The following NUP85 variants were observed in gnomAD, a reference collection of about 807,000 sequenced individuals.
NUP85 encodes the protein nuclear pore complex protein Nup85.
NUP85 carries 23 observed loss-of-function variants against 92.8 expected under a neutral mutation model. That is an observed-to-expected ratio of 0.25 (90% CI 0.18 to 0.35). NUP85 has a LOEUF of 0.35. NUP85 is among the 10% of genes least tolerant of loss of function. NUP85 has a pLI of 1.00. For synonymous variants in NUP85, 314 were observed against 306.9 expected (o/e 1.02, Z -0.24); for missense variants, 759 against 822.8 (o/e 0.92, Z 0.95).
At chr17:75,214,435 A>C (rs749060467) in intron 5 of NUP85, among the ~76,000 whole-genome samples, 3 of 152,196 alleles carry the variant, frequency 2.0e-5, no homozygotes, top group Non-Finnish European at 4.4e-5. Context: ...CTGTTCCCCT[A>C]AACTTCAGTC....
chr17:75,226,148 A>G lies in NUP85; in HGVS notation c.1085A>G (p.Lys362Arg). 6.2e-7 allele frequency: 1 copy of G among 1,613,874 alleles called. No individual in the cohort carries two copies. The highest frequency in any genetic ancestry group is 8.5e-7 in the Non-Finnish European group (1 of 1,179,864). ...GAGTTTGACATCCATCAAGTAATCA[A>G]AGAGTGCAGGTAGGATCTCTCCCAC... ...AFEFDIHQVIKECSIALSNWW... is the reference protein window; with the variant it reads ...AFEFDIHQVIRECSIALSNWW... The change falls in exon 11 of 19, where the codon AAA (lysine) becomes AGA (arginine). Residue 362 changes from lysine (K) to arginine (R), a missense_variant. Lys to Arg is a conservative substitution (Grantham distance 26, BLOSUM62 2). Transcript: ENST00000245544.
At position 75,220,003 on chromosome 17, in the gene NUP85, CT is replaced by C. The variant is rs1401299565; in HGVS notation, c.597+1698del. ...ACCAGGCCAGGTCTGAGACAGCCCCCTGGGCTGTCACTGAGACTTTAGCTTT... is the reference window on the plus strand; with the variant it reads ...ACCAGGCCAGGTCTGAGACAGCCCCCGGGCTGTCACTGAGACTTTAGCTTT... On this transcript the variant is annotated intron_variant, in intron 7 of 18. Coordinates refer to ENST00000245544, the MANE Select transcript of NUP85 (RefSeq NM_024844.5). Among the ~76,000 whole-genome samples, 14 of 152,212 alleles carry C rather than the reference CT, an allele frequency of 9.2e-5. No homozygotes were observed. In the East Asian group the frequency reaches 2.5e-3, roughly 27 times the overall value.
At chr17:75,215,341 C>G (rs1218837410) in intron 5 of NUP85, among the ~76,000 whole-genome samples, 1 of 152,152 alleles carries the variant, frequency 6.6e-6, no homozygotes, top group African/African-American at 2.4e-5. Context: ...TCCTGAGTAG[C>G]TGAGACTGCG....
At chr17:75,210,978 G>C (rs1189727122) in intron 3 of NUP85, among the ~76,000 whole-genome samples, 2 of 147,476 alleles carry the variant, frequency 1.4e-5, no homozygotes, top group Non-Finnish European at 3.0e-5. Flanking sequence ...TGGGATTACA[G>C]ACGTGAGCCA....
At chr17:75,213,959 C>T (rs1462860544) in intron 5 of NUP85, among the ~76,000 whole-genome samples, 1 of 150,394 alleles carries the variant, frequency 6.6e-6, no homozygotes, top group Non-Finnish European at 1.5e-5. Flanking sequence ...GCAAGCTCCG[C>T]CTCCCAGGTT....
Position 75,212,268 on chromosome 17 carries a change from T to G in NUP85, c.361+206T>G, listed in dbSNP as rs1355794084. On this transcript the variant is annotated intron_variant, in intron 4 of 18. Coordinates refer to ENST00000245544, the MANE Select transcript of NUP85 (RefSeq NM_024844.5). ...TGTTGTTTTTTTTTTTTTTTTTTTT[T>G]TTTTTTTTTTTTTTTTTTGAGACCG... Among the ~76,000 whole-genome samples, 10 of 48,640 alleles carry G rather than the reference T, an allele frequency of 2.1e-4. No homozygotes were observed. The East Asian group carries it at 3.4e-3, about 16-fold the overall frequency. The allele number at this position is 48,640 out of a possible 152,430, so 31.9% of individuals were successfully genotyped here. A position where few individuals can be genotyped will look rare whatever the true frequency, so the allele number is the denominator to read the frequency against.
At position 75,235,178 on chromosome 17, in the gene NUP85, G is replaced by C. The variant is rs140273334; in HGVS notation, c.1846G>C (p.Glu616Gln). Residue 616 changes from glutamate to glutamine, a missense_variant, in exon 18 of 19, where the codon GAA becomes CAA. Physicochemically the swap from Glu to Gln is conservative, Grantham distance 29 (BLOSUM62 2). Transcript: ENST00000245544. The stretch of plus-strand genomic sequence containing the variant: ...GACGTCAAGAAGACCTGTGCATGGA[G>C]AATCTGATACCGAGCAGCTCCAGGT... ...DLTSRRPVHGESDTEQLQDDD... is the reference protein window; with the variant it reads ...DLTSRRPVHGQSDTEQLQDDD... The C allele has an allele frequency of 5.0e-6, 8 of 1,613,838 alleles. No homozygotes were observed. The highest frequency in any genetic ancestry group is 6.8e-6 in the Non-Finnish European group (8 of 1,179,882).
chr17:75,232,036 T>G lies in NUP85; in HGVS notation c.1396+57T>G, dbSNP rs527946137. 1.6e-5 allele frequency: 26 copies of G among 1,592,756 alleles called. No homozygotes were observed. The East Asian group carries it at 5.6e-4, about 34-fold the overall frequency. The stretch of plus-strand genomic sequence containing the variant: ...GTGGGACGCAGGAGTCAGGGGATCC[T>G]GAGGTCACACTTTATGCCTACCCCA... On this transcript the variant is annotated intron_variant, in intron 14 of 18. Coordinates refer to ENST00000245544, the MANE Select transcript of NUP85 (RefSeq NM_024844.5).
intron 4 of NUP85, among the ~76,000 whole-genome samples, 196 bp downstream of exon 4, chr17:75,212,258 T>TTTTG (rs2075296844): frequency 5.5e-4 from 1 of 1,810 alleles, no homozygotes; most frequent in African/African-American, 7.4e-4. Context: ...TTTTTTTTTT[T>TTTTG]TTTTTTTTTT....
intron 6 of NUP85, among the ~76,000 whole-genome samples, chr17:75,217,373 A>ATTT (rs60288170): frequency 9.5e-4 from 142 of 148,754 alleles, no homozygotes; most frequent in Middle Eastern, 3.4e-3. Context: ...CTAATTTTTT[A>ATTT]TTTTTTTTTG....
chr17:75,218,242 A>G lies in NUP85; in HGVS notation c.533A>G (p.Asp178Gly). ...DWVRLHVCEV[D>G]SLSADVLGSE... ...GTCCGGCTCCATGTGTGCGAGGTGG[A>G]CAGTTTGTCGGCAGATGTTCTGGGC... is the stretch of plus-strand genomic sequence containing the variant. The change falls in exon 7 of 19, where the codon GAC (aspartate) becomes GGC (glycine). Residue 178 changes from aspartate to glycine, a missense_variant. Transcript: ENST00000245544. 6.2e-7 allele frequency: 1 copy of G among 1,613,888 alleles called. No individual in the cohort carries two copies. The highest frequency in any genetic ancestry group is 1.7e-5 in the Admixed American group (1 of 59,982).
At position 75,231,237 on chromosome 17, in the gene NUP85, T is replaced by C; in HGVS notation, c.1095-103T>C. 9.0e-7 allele frequency: 1 copy of C among 1,108,406 alleles called. No individual in the cohort carries two copies. The highest frequency in any genetic ancestry group is 1.4e-6 in the Non-Finnish European group (1 of 734,294). The allele number at this position is 1,108,406 out of a possible 1,614,324, so 68.7% of individuals were successfully genotyped here. A position where few individuals can be genotyped will look rare whatever the true frequency, so the allele number is the denominator to read the frequency against. On this transcript the variant is annotated intron_variant, in intron 11 of 18. Transcript: ENST00000245544. The surrounding 1 kb of genome is among the most constrained non-coding windows in gnomAD (Gnocchi z 4.6). ...AGCTATCATCACGCCCGGCCCCATC[T>C]CTTTGAGGGACAGGACATGTGGGGT...
chr17:75,205,936 C>T (rs2075065043), intron 1 of NUP85, 142 bp downstream of exon 1: 1 of 982,918 alleles, frequency 1.0e-6, no homozygotes, highest in East Asian at 2.6e-5. Flanking sequence ...TTCCGGAGGT[C>T]GCAGTGTTAA....
Position 75,209,914 on chromosome 17 carries a change from T to C in NUP85, c.219T>C (p.Asn73=). ...VYSQILRKLF[N]ESHGIFLGLQ... Reference sequence around the variant, plus strand: ...CTCAAATCTTGAGAAAACTCTTCAATGAATCCCATGGAATCTTTCTGGGCC... The same window carrying C: ...CTCAAATCTTGAGAAAACTCTTCAACGAATCCCATGGAATCTTTCTGGGCC... Residue 73 remains asparagine (N), a synonymous_variant, in exon 3 of 19, where the codon AAT becomes AAC. Coordinates refer to ENST00000245544, the MANE Select transcript of NUP85 (RefSeq NM_024844.5). 1 of 1,587,036 alleles carries C rather than the reference T, an allele frequency of 6.3e-7. No homozygotes were observed. The highest frequency in any genetic ancestry group is 1.2e-5 in the South Asian group (1 of 85,510).
In NUP85 at chr17:75,205,684, G is replaced by T. The variant is rs370705302; in HGVS notation, c.-78G>T. The T allele has an allele frequency of 3.8e-6, 6 of 1,574,830 alleles. No individual in the cohort carries two copies. The African/African-American group carries it at 4.0e-5, about 11-fold the overall frequency. On this transcript the variant is annotated 5_prime_UTR_variant, in exon 1 of 19. Coordinates refer to ENST00000245544, the MANE Select transcript of NUP85 (RefSeq NM_024844.5). ...AGACGCCCAGGCGGAGTCTTGTCTC[G>T]CAGCCAGCTCTGAGCGGGAGGCCTG...
chr17:75,209,840 C>A lies in NUP85; in HGVS notation c.145C>A (p.Pro49Thr). ...FNKKEKSEMVPSCPFIYIIRK... is the reference protein window; with the variant it reads ...FNKKEKSEMVTSCPFIYIIRK... Reference sequence around the variant, plus strand: ...GGTTTCAGAAAAATCAGAGATGGTGCCAAGTTGCCCCTTTATCTATATCAT... The same window carrying A: ...GGTTTCAGAAAAATCAGAGATGGTGACAAGTTGCCCCTTTATCTATATCAT... Residue 49 changes from proline to threonine, a missense_variant, in exon 3 of 19, where the codon CCA (proline) becomes ACA (threonine). Transcript: ENST00000245544. 1 of 1,573,234 alleles carries A rather than the reference C, an allele frequency of 6.4e-7. No individual in the cohort carries two copies. Among genetic ancestry groups the A allele is most frequent in the Admixed American group, 2.1e-5 (1 of 48,544 alleles).
chr17:75,212,149 G>A (rs2075283988), intron 4 of NUP85, 87 bp downstream of exon 4: 1 of 865,824 alleles, frequency 1.2e-6, no homozygotes, highest in Non-Finnish European at 1.7e-6. Flanking sequence ...ATACTGTGAG[G>A]TAAAGTTTGA....
intron 5 of NUP85, 145 bp from the exon 6 acceptor site, chr17:75,215,609 C>T (rs1598281566): frequency 1.5e-6 from 1 of 676,200 alleles, no homozygotes; most frequent in East Asian, 2.7e-5. Flanking sequence ...GCTGGCTCCC[C>T]TGTGGGAAAT....
chr17:75,221,764 G>C (rs2075604886), intron 7 of NUP85, among the ~76,000 whole-genome samples: 1 of 152,156 alleles, frequency 6.6e-6, no homozygotes, highest in African/African-American at 2.4e-5. Context: ...GGAAGCCTGA[G>C]ATCTTACTTA....
Sources: gnomAD v4.1 joint callset for allele counts (sites outside exome capture counted in the v4.1 genomes callset) on GRCh38, gnomAD v4.1.1 for gene constraint, Gnocchi (gnomAD v3.1) non-coding constraint, MANE v1.5 for transcripts, NCBI Gene and HGNC (gene_info 2026-07-23, HGNC 2026-07-21) for gene names.